The following DACH2 variants were observed in gnomAD, a reference collection of about 807,000 sequenced individuals.
DACH2 encodes the protein dachshund homolog 2.
Under a neutral mutation model 35.8 loss-of-function variants are expected in DACH2, and 17 were observed. That is an observed-to-expected ratio of 0.48 (90% CI 0.33 to 0.71). DACH2 has a LOEUF of 0.71. Among genes scored for constraint, DACH2 ranks in the 30% least tolerant of loss-of-function variants. The probability of loss-of-function intolerance (pLI) is 0.02; values close to 1 mark genes in which losing one functional copy is unlikely to be tolerated. For synonymous variants in DACH2, 195 were observed against 177.3 expected, an observed-to-expected ratio of 1.10 and a Z score of -0.79; for missense variants, 469 against 472.7, an observed-to-expected ratio of 0.99 and a Z score of 0.07.
At chrX:86,320,646 A>G (rs2034998537) in intron 1 of DACH2, among the ~76,000 whole-genome samples, 1 of 112,381 alleles carries the variant, frequency 8.9e-6, no homozygotes, top group African/African-American at 3.2e-5. Flanking sequence ...CACCAGCAAA[A>G]CCACTACTAC....
chrX:86,804,983 A>G (rs1166181822), intron 7 of DACH2, among the ~76,000 whole-genome samples: 1 of 112,221 alleles, frequency 8.9e-6, no homozygotes, highest in East Asian at 2.8e-4. Context: ...TGGTGAATCC[A>G]TAAGTCTGGG....
chrX:86,193,237 T>C (rs1046201667), intron 1 of DACH2, among the ~76,000 whole-genome samples: 1 of 111,900 alleles, frequency 8.9e-6, no homozygotes, highest in African/African-American at 3.2e-5. Flanking sequence ...TTTTAGTAGG[T>C]GTAAGGAAAA....
At chrX:86,528,886 C>G (rs1049948967) in intron 3 of DACH2, among the ~76,000 whole-genome samples, 2 of 111,811 alleles carry the variant, frequency 1.8e-5, no homozygotes, top group Non-Finnish European at 3.8e-5. Flanking sequence ...ATGACCAAGT[C>G]AGGGTATTCA....
At chrX:86,711,511 T>G (rs778018124) in intron 5 of DACH2, among the ~76,000 whole-genome samples, 1 of 112,909 alleles carries the variant, frequency 8.9e-6, no homozygotes, top group Non-Finnish European at 1.9e-5. Flanking sequence ...TAAAAAAGAT[T>G]TGTCTTTATT....
intron 1 of DACH2, among the ~76,000 whole-genome samples, chrX:86,217,350 A>G (rs2032601442): frequency 8.9e-6 from 1 of 111,846 alleles, no homozygotes; most frequent in South Asian, 3.7e-4. Flanking sequence ...CTACTTTTCT[A>G]TTCTTAACCT....
rs778623977 is a variant in DACH2, at chrX:86,671,338, A to C, written c.772+20171A>C. ...CAGATTAACTAGTTTTAGCTTGTGA[A>C]CTTGATACCAAAAGTGTTATAGAGG... On this transcript the variant is annotated intron_variant, in intron 4 of 11. Coordinates refer to ENST00000373125, the MANE Select transcript of DACH2 (RefSeq NM_053281.3). Among the ~76,000 whole-genome samples, 107 of 112,181 alleles carry C rather than the reference A, an allele frequency of 9.5e-4. 2 individuals carry two copies. The highest frequency in any genetic ancestry group is 1.9e-3 in the South Asian group (5 of 2,652).
intron 7 of DACH2, among the ~76,000 whole-genome samples, chrX:86,778,746 G>A (rs2042060938): frequency 9.0e-6 from 1 of 110,540 alleles, no homozygotes; most frequent in Non-Finnish European, 1.9e-5. Context: ...AAGTAGCTGG[G>A]TTTACAGGCA....
chrX:86,721,186 G>C (rs2041402638), intron 6 of DACH2, among the ~76,000 whole-genome samples: 1 of 112,420 alleles, frequency 8.9e-6, no homozygotes, highest in Non-Finnish European at 1.9e-5. Context: ...TTGGTGATTA[G>C]CATTTGGCTT....
chrX:86,342,786 T>A (rs1319715351), intron 1 of DACH2, among the ~76,000 whole-genome samples: 1 of 109,473 alleles, frequency 9.1e-6, no homozygotes, highest in Non-Finnish European at 1.9e-5. Context: ...GGAGTGAGAC[T>A]CTGTCTCAAG....
intron 1 of DACH2, among the ~76,000 whole-genome samples, chrX:86,228,402 A>ATGCAAGT (rs778443041): frequency 7.3e-5 from 8 of 108,945 alleles, no homozygotes; most frequent in Non-Finnish European, 1.5e-4. Context: ...AAACATGTGT[A>ATGCAAGT]TGCAAGTATC....
At chrX:86,532,439 T>C (rs1322445234) in intron 3 of DACH2, among the ~76,000 whole-genome samples, 1 of 110,507 alleles carries the variant, frequency 9.0e-6, no homozygotes, top group Non-Finnish European at 1.9e-5. Flanking sequence ...GTTCTTGTGG[T>C]AGCATGTGAG....
intron 1 of DACH2, among the ~76,000 whole-genome samples, chrX:86,362,258 G>A (rs1223814915): frequency 9.0e-6 from 1 of 111,037 alleles, no homozygotes; most frequent in Admixed American, 9.6e-5. Flanking sequence ...TTTAGTCCAG[G>A]ATTTTAGTTC....
At chrX:86,292,589 T>G (rs1410645865) in intron 1 of DACH2, among the ~76,000 whole-genome samples, 1 of 110,953 alleles carries the variant, frequency 9.0e-6, no homozygotes. Flanking sequence ...CTCTACACAC[T>G]GCTTTGAATG....
intron 1 of DACH2, among the ~76,000 whole-genome samples, chrX:86,218,608 T>A (rs1356927450): frequency 8.9e-6 from 1 of 112,124 alleles, no homozygotes; most frequent in African/African-American, 3.2e-5. Context: ...ATTACATGAA[T>A]TTTAAAGAAC....
chrX:86,211,469 A>G (rs190016415), intron 1 of DACH2, among the ~76,000 whole-genome samples: 1,217 of 111,120 alleles, frequency 0.011, 23 homozygotes, highest in African/African-American at 0.038. Flanking sequence ...AATAATAGCT[A>G]ATTTGTGTAC....
At chrX:86,343,037 T>C (rs1215452605) in intron 1 of DACH2, among the ~76,000 whole-genome samples, 1 of 111,866 alleles carries the variant, frequency 8.9e-6, no homozygotes, top group African/African-American at 3.3e-5. Flanking sequence ...CACACTTTAG[T>C]AGACTGCAGT....
intron 6 of DACH2, among the ~76,000 whole-genome samples, chrX:86,734,782 A>T (rs1042371365): frequency 9.1e-6 from 1 of 109,421 alleles, no homozygotes; most frequent in Non-Finnish European, 1.9e-5. Flanking sequence ...CAATGAGCAA[A>T]TTTTTTATTT....
At chrX:86,331,487 C>A (rs188758575) in intron 1 of DACH2, among the ~76,000 whole-genome samples, 1,844 of 110,270 alleles carry the variant, frequency 0.017, 17 homozygotes, top group Middle Eastern at 0.032. Flanking sequence ...AACAAACAAA[C>A]AAAAAAACAG....
chrX:86,291,056 G>T (rs1169948789), intron 1 of DACH2, among the ~76,000 whole-genome samples: 2 of 102,418 alleles, frequency 2.0e-5, no homozygotes, highest in Admixed American at 1.1e-4. Flanking sequence ...CTACCCATGA[G>T]CATGGAATGT....
Sources: allele counts gnomAD v4.1 joint callset (sites outside exome capture counted in the v4.1 genomes callset), GRCh38; gene constraint gnomAD v4.1.1; transcripts MANE v1.5; gene names NCBI Gene and HGNC (gene_info 2026-07-23, HGNC 2026-07-21).